The following ENY2 variants were observed in gnomAD, a reference collection of about 807,000 sequenced individuals.
ENY2 encodes the protein transcription and mRNA export factor ENY2.
In ENY2, 4 loss-of-function variants were observed where a neutral mutation model predicts 15.9. The observed-to-expected ratio is 0.25, with a 90% CI of 0.12 to 0.57. ENY2 has a LOEUF of 0.57. ENY2 is among the 20% of genes least tolerant of loss of function. The pLI, the probability that ENY2 is intolerant of heterozygous loss-of-function variation, is 0.91. For synonymous variants in ENY2, 48 were observed against 38.0 expected (o/e 1.26, Z -0.97); for missense variants, 54 against 117.2 (o/e 0.46, Z 2.49).
chr8:109,340,621 C>A (rs1816091700), intron 4 of ENY2, 58 bp downstream of exon 4: 1 of 1,594,232 alleles, frequency 6.3e-7, no homozygotes, highest in Non-Finnish European at 8.5e-7. Flanking sequence ...TTTTTAAAAT[C>A]TCTTGCTGGT....
intron 4 of ENY2, 66 bp downstream of exon 4, chr8:109,340,629 G>C: frequency 6.3e-7 from 1 of 1,585,776 alleles, no homozygotes; most frequent in Non-Finnish European, 8.6e-7. Context: ...ATCTCTTGCT[G>C]GTTCAGATTT....
At chr8:109,342,665 G>C (rs1265640832) in intron 4 of ENY2, 2 of 694,668 alleles carry the variant, frequency 2.9e-6, no homozygotes, top group Admixed American at 2.0e-5. Context: ...ACACCACCAT[G>C]CTCCACTAAT....
chr8:109,342,613 T>A, intron 4 of ENY2: 1 of 654,812 alleles, frequency 1.5e-6, no homozygotes. Context: ...GCTTAAGTGA[T>A]CCTTCTCCCT....
chr8:109,336,328 A>C, intron 2 of ENY2, 124 bp downstream of exon 2: 1 of 860,420 alleles, frequency 1.2e-6, no homozygotes, highest in Non-Finnish European at 1.8e-6. Flanking sequence ...AAAAGTTTCT[A>C]TTCCGAACAT....
chr8:109,343,063 G>C (rs1816157995), intron 4 of ENY2, among the ~76,000 whole-genome samples: 1 of 152,088 alleles, frequency 6.6e-6, no homozygotes. Flanking sequence ...CCTTGCTTAT[G>C]GTGATTTTTC....
At chr8:109,339,489 A>G (rs1816068841) in intron 3 of ENY2, 99 bp downstream of exon 3, 2 of 946,950 alleles carry the variant, frequency 2.1e-6, no homozygotes, top group Non-Finnish European at 3.2e-6. Context: ...TTCAAGCATG[A>G]TTTTAAACAA....
intron 4 of ENY2, among the ~76,000 whole-genome samples, chr8:109,342,519 T>G (rs1478390253): frequency 6.6e-6 from 1 of 150,762 alleles, no homozygotes; most frequent in Non-Finnish European, 1.5e-5. Context: ...ATACCCTTTT[T>G]TTTTTTTTGA....
At chr8:109,337,730 C>T (rs923466122) in intron 2 of ENY2, among the ~76,000 whole-genome samples, 2 of 152,076 alleles carry the variant, frequency 1.3e-5, no homozygotes, top group African/African-American at 4.8e-5. Context: ...GGTGAAACCC[C>T]ATCTCTACTG....
intron 3 of ENY2, 66 bp downstream of exon 3, chr8:109,339,456 C>T: frequency 7.1e-7 from 1 of 1,405,972 alleles, no homozygotes; most frequent in Non-Finnish European, 1.0e-6. Context: ...TTGGGGGTTG[C>T]TTATTTTAAG....
intron 3 of ENY2, 195 bp from the exon 4 acceptor site, chr8:109,340,294 C>T (rs1816085216): frequency 1.5e-6 from 1 of 672,004 alleles, no homozygotes; most frequent in Non-Finnish European, 2.4e-6. Flanking sequence ...TTAGCTGAGA[C>T]TTACGAACAA....
chr8:109,337,453 G>A (rs2130184990), intron 2 of ENY2, among the ~76,000 whole-genome samples: 1 of 152,106 alleles, frequency 6.6e-6, no homozygotes, highest in Non-Finnish European at 1.5e-5. Context: ...GGTAACAGTA[G>A]TAGACAAAAA....
Position 109,344,577 on chromosome 8 carries a change from T to A in ENY2, c.*1096T>A, listed in dbSNP as rs987398931. On this transcript the variant is annotated 3_prime_UTR_variant, in exon 5 of 5. Coordinates refer to ENST00000521688, the MANE Select transcript of ENY2 (RefSeq NM_020189.6). ...AAATAATGACTTTTTCCCCCAATAA[T>A]TGCCCCTGCTATATTCCTTATTTCT... The A allele has an allele frequency of 3.3e-5, 5 of 152,240 alleles. No individual in the cohort carries two copies. Among genetic ancestry groups the A allele is most frequent in the Non-Finnish European group, 7.3e-5 (5 of 68,060 alleles). The allele number at this position is 152,240 out of a possible 1,614,324, so 9.4% of individuals were successfully genotyped here.
At chr8:109,335,447 C>G (rs1815949805) in intron 1 of ENY2, 1 of 150,686 alleles carries the variant, frequency 6.6e-6, no homozygotes, top group Admixed American at 6.6e-5. Flanking sequence ...ACTGCAACCT[C>G]TGTCTCCTGG....
intron 4 of ENY2, among the ~76,000 whole-genome samples, chr8:109,341,078 T>C (rs1326859374): frequency 6.6e-6 from 1 of 152,152 alleles, no homozygotes; most frequent in Non-Finnish European, 1.5e-5. Flanking sequence ...TTTCAACCTT[T>C]AATGCCTTGT....
At chr8:109,342,080 T>C (rs1224089343) in intron 4 of ENY2, among the ~76,000 whole-genome samples, 1 of 152,184 alleles carries the variant, frequency 6.6e-6, no homozygotes, top group Non-Finnish European at 1.5e-5. Flanking sequence ...TATAACTTTT[T>C]TATGGAAATA....
In ENY2 at chr8:109,334,757, C is replaced by T; in HGVS notation, c.6+283C>T. The T allele has an allele frequency of 4.0e-6, 2 of 504,760 alleles. 1 individual carries two copies. The highest frequency in any genetic ancestry group is 5.7e-5 in the South Asian group (2 of 34,926). 31.3% of individuals were successfully genotyped at this position (504,760 alleles called of 1,614,324 possible). A position where few individuals can be genotyped will look rare whatever the true frequency, so the allele number is the denominator to read the frequency against. On this transcript the variant is annotated intron_variant, in intron 1 of 4. Coordinates refer to ENST00000521688, the MANE Select transcript of ENY2 (RefSeq NM_020189.6). Reference sequence around the variant, plus strand: ...GTTTTACCAGTGAGAAAACTGAGGCCTTTAAGAATTAAGTGACTTGTCCAA... The same window carrying T: ...GTTTTACCAGTGAGAAAACTGAGGCTTTTAAGAATTAAGTGACTTGTCCAA...
At chr8:109,337,517 CTG>C (rs1378246746) in intron 2 of ENY2, among the ~76,000 whole-genome samples, 3 of 152,044 alleles carry the variant, frequency 2.0e-5, no homozygotes, top group Non-Finnish European at 4.4e-5. Context: ...ACAGATAAAA[CTG>C]TGTAATAATG....
chr8:109,341,063 C>G (rs1816101564), intron 4 of ENY2, among the ~76,000 whole-genome samples: 1 of 152,126 alleles, frequency 6.6e-6, no homozygotes, highest in South Asian at 2.1e-4. Flanking sequence ...CAACCACCTT[C>G]TTAATTTCAA....
At chr8:109,339,074 T>C (rs1019235190) in intron 2 of ENY2, 4 of 530,638 alleles carry the variant, frequency 7.5e-6, no homozygotes, top group Middle Eastern at 5.1e-4. Flanking sequence ...TTGAAAAGTA[T>C]TTTAGCCCCT....
Sources: allele counts gnomAD v4.1 joint callset (sites outside exome capture counted in the v4.1 genomes callset), GRCh38; gene constraint gnomAD v4.1.1; transcripts MANE v1.5; gene names NCBI Gene and HGNC (gene_info 2026-07-23, HGNC 2026-07-21).